Variants in PDPR observed in about 807,000 individuals in gnomAD.
PDPR encodes the protein pyruvate dehydrogenase phosphatase regulatory subunit.
PDPR carries 50 observed loss-of-function variants against 102.2 expected under a neutral mutation model. That is an observed-to-expected ratio of 0.49 (90% CI 0.39 to 0.62). The LOEUF is 0.62. Among genes scored for constraint, PDPR ranks in the 20% least tolerant of loss-of-function variants. The probability of loss-of-function intolerance (pLI) is 0.00; values close to 1 mark genes in which losing one functional copy is unlikely to be tolerated. For missense variants in PDPR, 625 were observed against 1,098.2 expected, an observed-to-expected ratio of 0.57 and a Z score of 6.09; for synonymous variants, 259 against 406.0, an observed-to-expected ratio of 0.64 and a Z score of 4.35.
At chr16:70,145,667 CCTGT>C (rs1381783085) in intron 15 of PDPR, 1 of 461,556 alleles carries the variant, frequency 2.2e-6, no homozygotes, top group Admixed American at 2.4e-5. Context: ...CATGTTCTAG[CCTGT>C]CTTAGGATGG....
chr16:70,141,172 G>A (rs1370948363), intron 11 of PDPR, among the ~76,000 whole-genome samples: 2 of 152,162 alleles, frequency 1.3e-5, no homozygotes, highest in Admixed American at 1.3e-4. Flanking sequence ...TCCTGCCTCA[G>A]CCTCCCGAGT....
intron 3 of PDPR, among the ~76,000 whole-genome samples, chr16:70,124,445 C>T (rs1454199683): frequency 1.3e-5 from 2 of 152,272 alleles, no homozygotes; most frequent in Middle Eastern, 3.2e-3. Context: ...TTCCTCTTGT[C>T]CATCTTCACT....
intron 1 of PDPR, 114 bp downstream of exon 1, chr16:70,114,554 C>T (rs1318191558): frequency 1.3e-5 from 2 of 152,276 alleles, no homozygotes; most frequent in African/African-American, 2.4e-5. Context: ...GTGGTCCCCG[C>T]TAGCTCACGC....
intron 11 of PDPR, among the ~76,000 whole-genome samples, chr16:70,141,345 C>T (rs1391284819): frequency 1.3e-5 from 2 of 152,246 alleles, no homozygotes; most frequent in Admixed American, 6.5e-5. Flanking sequence ...CCACCACACC[C>T]GGCCTAAGAG....
Position 70,159,586 on chromosome 16 carries a change from CTT to C in PDPR, c.*2709_*2710del, listed in dbSNP as rs1239872856. On this transcript the variant is annotated 3_prime_UTR_variant, in exon 19 of 19. Transcript: ENST00000288050. ...TTCTGTGATTGGTCTAATGTGAGCTCTTTGAACAGACAGATCTGACAGTGAAT... is the reference window on the plus strand; with the variant it reads ...TTCTGTGATTGGTCTAATGTGAGCTCTGAACAGACAGATCTGACAGTGAAT... 1 of 152,914 alleles carries C rather than the reference CTT, an allele frequency of 6.5e-6. No homozygotes were observed. The highest frequency in any genetic ancestry group is 1.5e-5 in the Non-Finnish European group (1 of 68,546). 9.5% of individuals were successfully genotyped at this position (152,914 alleles called of 1,614,324 possible).
Position 70,156,353 on chromosome 16 carries a change from G to T in PDPR, c.2236-122G>T, listed in dbSNP as rs553185674. Reference sequence around the variant, plus strand: ...GCACAGTTTCCCAAAAGCTGGCAGGGTTGTGGGAGGAGGCGGCTGTGCCCC... The same window carrying T: ...GCACAGTTTCCCAAAAGCTGGCAGGTTTGTGGGAGGAGGCGGCTGTGCCCC... On this transcript the variant is annotated intron_variant, in intron 18 of 18. Coordinates refer to ENST00000288050, the MANE Select transcript of PDPR (RefSeq NM_017990.5). 1.1e-5 allele frequency: 14 copies of T among 1,221,098 alleles called. No individual in the cohort carries two copies. The East Asian group carries it at 3.4e-4, about 30-fold the overall frequency. The allele number at this position is 1,221,098 out of a possible 1,614,324, so 75.6% of individuals were successfully genotyped here. A position where few individuals can be genotyped will look rare whatever the true frequency, so the allele number is the denominator to read the frequency against.
At position 70,136,323 on chromosome 16, in the gene PDPR, A is replaced by G; in HGVS notation, c.1127A>G (p.Gln376Arg). 2 of 1,613,584 alleles carry G rather than the reference A, an allele frequency of 1.2e-6. No individual in the cohort carries two copies. Among genetic ancestry groups the G allele is most frequent in the Non-Finnish European group, 1.7e-6 (2 of 1,179,670 alleles). ...RCIMGESPAV[Q>R]GYFVLAGMNS... ...ATCATGGGCGAGTCTCCTGCAGTGCAGGGCTACTTTGTCCTGGCAGGAATG... is the reference window on the plus strand; with the variant it reads ...ATCATGGGCGAGTCTCCTGCAGTGCGGGGCTACTTTGTCCTGGCAGGAATG... Residue 376 changes from glutamine (Q) to arginine (R), a missense_variant, in exon 10 of 19, where the codon CAG (glutamine) becomes CGG (arginine). By Grantham distance (43) the Gln-to-Arg change is conservative. Around this residue, in one of 11 missense-constraint regions of PDPR, gnomAD observed 50 missense variants for 79.9 expected, o/e 0.63. Coordinates refer to ENST00000288050, the MANE Select transcript of PDPR (RefSeq NM_017990.5).
chr16:70,163,304 C>G (rs1291394686), downstream of PDPR, among the ~76,000 whole-genome samples: 1 of 152,014 alleles, frequency 6.6e-6, no homozygotes, highest in African/African-American at 2.4e-5. Flanking sequence ...TTGAGAATCT[C>G]ATAGGTTAAC....
rs543158510 is a variant in PDPR, at chr16:70,128,660, A to G, written c.362-124A>G. The G allele has an allele frequency of 4.0e-5, 62 of 1,553,952 alleles. No homozygotes were observed. The African/African-American group carries it at 7.6e-4, about 19-fold the overall frequency. ...CTCAGAGAAGCTGATTTACCTGCCC[A>G]AGGATATTGAGTGGCAGTCCCAGGA... On this transcript the variant is annotated intron_variant, in intron 4 of 18. Coordinates refer to ENST00000288050, the MANE Select transcript of PDPR (RefSeq NM_017990.5).
At position 70,157,327 on chromosome 16, in the gene PDPR, G is replaced by A. The variant is rs536042765; in HGVS notation, c.*448G>A. Reference sequence around the variant, plus strand: ...AGTTCTGGTGGGGTTGCCGTGTGTCGGATGCAGCCCTGAGGGGCAGCTCGT... The same window carrying A: ...AGTTCTGGTGGGGTTGCCGTGTGTCAGATGCAGCCCTGAGGGGCAGCTCGT... On this transcript the variant is annotated 3_prime_UTR_variant, in exon 19 of 19. Transcript: ENST00000288050. 40 of 399,992 alleles carry A rather than the reference G, an allele frequency of 1.0e-4. 1 individual carries two copies. The highest frequency in any genetic ancestry group is 3.5e-4 in the African/African-American group (17 of 48,078). 24.8% of individuals were successfully genotyped at this position (399,992 alleles called of 1,614,324 possible).
At chr16:70,152,305 G>A (rs1184215901) in intron 17 of PDPR, among the ~76,000 whole-genome samples, 3 of 152,272 alleles carry the variant, frequency 2.0e-5, no homozygotes, top group African/African-American at 7.2e-5. Context: ...AATCATCTGA[G>A]GTCAGGAGTT....
intron 18 of PDPR, among the ~76,000 whole-genome samples, chr16:70,155,921 G>A (rs1464036410): frequency 1.3e-5 from 2 of 151,484 alleles, no homozygotes; most frequent in African/African-American, 4.9e-5. Flanking sequence ...TCCTGTCTCA[G>A]TCTCCCTAGA....
At chr16:70,155,355 C>T (rs62051657) in intron 18 of PDPR, among the ~76,000 whole-genome samples, 33,313 of 144,588 alleles carry the variant, frequency 0.23, 1,104 homozygotes, top group Non-Finnish European at 0.3. Context: ...GATCTCAGCT[C>T]ACTGCAATCT....
At chr16:70,137,470 A>G (rs1480653318) in intron 10 of PDPR, among the ~76,000 whole-genome samples, 1 of 152,284 alleles carries the variant, frequency 6.6e-6, no homozygotes, top group African/African-American at 2.4e-5. Context: ...GAGTTGTCAC[A>G]TCATAGAGAC....
chr16:70,152,224 A>G (rs1370764970), intron 17 of PDPR, among the ~76,000 whole-genome samples: 2 of 152,260 alleles, frequency 1.3e-5, no homozygotes, highest in Non-Finnish European at 2.9e-5. Context: ...TTTTTTCCAC[A>G]TTTAAAGTTG....
intron 10 of PDPR, among the ~76,000 whole-genome samples, chr16:70,138,038 CTTTT>C (rs200071207): frequency 3.4e-5 from 4 of 118,370 alleles, no homozygotes; most frequent in African/African-American, 1.3e-4. Context: ...ATACCCAGCT[CTTTT>C]TTTTTTTTTT....
chr16:70,157,980 A>G lies in PDPR; in HGVS notation c.*1101A>G. 2 of 154,278 alleles carry G rather than the reference A, an allele frequency of 1.3e-5. No individual in the cohort carries two copies. The highest frequency in any genetic ancestry group is 2.9e-5 in the Non-Finnish European group (2 of 69,498). The allele number at this position is 154,278 out of a possible 1,614,324, so 9.6% of individuals were successfully genotyped here. On this transcript the variant is annotated 3_prime_UTR_variant, in exon 19 of 19. Transcript: ENST00000288050. Reference sequence around the variant, plus strand: ...GAGAGCTGCCGGAATTCCAGGTTTGACTCTCCAGCACAGAGCAGAGCTACA... The same window carrying G: ...GAGAGCTGCCGGAATTCCAGGTTTGGCTCTCCAGCACAGAGCAGAGCTACA...
intron 9 of PDPR, among the ~76,000 whole-genome samples, chr16:70,133,073 G>C (rs1411196235): frequency 2.7e-5 from 4 of 149,368 alleles, no homozygotes; most frequent in African/African-American, 9.9e-5. Context: ...GCTTCCCAAA[G>C]TGCTGTGATT....
At chr16:70,118,086 C>G (rs1962835205) in intron 2 of PDPR, among the ~76,000 whole-genome samples, 1 of 134,526 alleles carries the variant, frequency 7.4e-6, no homozygotes, top group Non-Finnish European at 1.6e-5. Flanking sequence ...GAGTGAGACT[C>G]TGTCTCAAAA....
Sources: gnomAD v4.1 joint callset for allele counts (sites outside exome capture counted in the v4.1 genomes callset) on GRCh38, gnomAD v4.1.1 for gene constraint, gnomAD v4.1.1 regional missense constraint, MANE v1.5 for transcripts, NCBI Gene and HGNC (gene_info 2026-07-23, HGNC 2026-07-21) for gene names.